The following NEK11 variants were observed in gnomAD, a reference collection of about 807,000 sequenced individuals.
NEK11 encodes the protein serine/threonine-protein kinase Nek11.
Under a neutral mutation model 80.7 loss-of-function variants are expected in NEK11, and 72 were observed. The observed-to-expected ratio is 0.89, with a 90% CI of 0.74 to 1.08. NEK11 has a LOEUF of 1.08. Among genes scored for constraint, NEK11 ranks in the 50% least tolerant of loss-of-function variants. The probability of loss-of-function intolerance (pLI) is 0.00; values close to 1 mark genes in which losing one functional copy is unlikely to be tolerated. For missense variants in NEK11, 764 were observed against 763.6 expected, an observed-to-expected ratio of 1.00 and a Z score of -0.01; for synonymous variants, 251 against 260.7, an observed-to-expected ratio of 0.96 and a Z score of 0.36.
intron 12 of NEK11, 54 bp downstream of exon 12, chr3:131,165,573 C>A: frequency 1.8e-6 from 2 of 1,106,968 alleles, no homozygotes; most frequent in South Asian, 1.4e-5. Context: ...GCTTTAGATT[C>A]ATGGCGATGA....
At chr3:131,107,637 C>G (rs1479855772) in intron 4 of NEK11, among the ~76,000 whole-genome samples, 1 of 152,072 alleles carries the variant, frequency 6.6e-6, no homozygotes, top group Non-Finnish European at 1.5e-5. Context: ...TTCATATATA[C>G]AAAAGCCCTT....
At chr3:131,295,052 T>G (rs1052162237) in intron 17 of NEK11, among the ~76,000 whole-genome samples, 1 of 152,178 alleles carries the variant, frequency 6.6e-6, no homozygotes, top group Admixed American at 6.5e-5. Context: ...TGTCTTTTAA[T>G]TGGTACATTT....
chr3:131,237,372 C>T (rs1385137545), intron 15 of NEK11, among the ~76,000 whole-genome samples: 1 of 152,110 alleles, frequency 6.6e-6, no homozygotes, highest in East Asian at 1.9e-4. Context: ...AGATGAGTTA[C>T]TTTTTGGGTC....
intron 3 of NEK11, among the ~76,000 whole-genome samples, chr3:131,033,370 T>C (rs113253175): frequency 0.016 from 2,412 of 152,288 alleles, 33 homozygotes; most frequent in Non-Finnish European, 0.026. Flanking sequence ...TACAGACTTC[T>C]ATAATGGTAT....
chr3:131,255,130 G>GAA (rs1561223084), intron 16 of NEK11, among the ~76,000 whole-genome samples: 296 of 125,944 alleles, frequency 2.4e-3, no homozygotes, highest in East Asian at 6.2e-3. Flanking sequence ...GAAAGAAAGA[G>GAA]AGAAAGAACA....
chr3:131,227,253 T>TAAA (rs1484744520), intron 14 of NEK11, among the ~76,000 whole-genome samples: 1 of 152,186 alleles, frequency 6.6e-6, no homozygotes, highest in Non-Finnish European at 1.5e-5. Context: ...TAACATCTTC[T>TAAA]ATTTCCAGGG....
At chr3:131,312,634 CCTCATAATTGTACCTTCTACAT>C (rs1448932416) in intron 17 of NEK11, among the ~76,000 whole-genome samples, 1 of 152,030 alleles carries the variant, frequency 6.6e-6, no homozygotes, top group Non-Finnish European at 1.5e-5. Context: ...GTCAACTCAG[CCTCATAATTGTACCTTCTACAT>C]CTGTAACAAA....
At chr3:131,031,127 G>A (rs1560093272) in intron 3 of NEK11, among the ~76,000 whole-genome samples, 2 of 152,204 alleles carry the variant, frequency 1.3e-5, no homozygotes, top group African/African-American at 4.8e-5. Flanking sequence ...GAATTGTAAA[G>A]GTAAATGTTA....
At position 131,349,541 on chromosome 3, in the gene NEK11, G is replaced by GT; in HGVS notation, c.1719-15dup. On this transcript the variant is annotated splice_polypyrimidine_tract_variant and intron_variant, in intron 17 of 17. Transcript: ENST00000383366. ...AATGTGTAACTCTTTGTAATCTTTT[G>GT]TAACTTTTTTGACAGATCAGCCATG... 3 of 1,602,432 alleles carry GT rather than the reference G, an allele frequency of 1.9e-6. No individual in the cohort carries two copies. Among genetic ancestry groups the GT allele is most frequent in the Non-Finnish European group, 1.7e-6 (2 of 1,171,420 alleles).
chr3:131,341,676 T>A (rs2097288893), intron 17 of NEK11, among the ~76,000 whole-genome samples: 1 of 152,244 alleles, frequency 6.6e-6, no homozygotes. Context: ...GATTCTGTTT[T>A]ATTAGATGCA....
At chr3:131,198,613 C>T (rs1253851367) in intron 14 of NEK11, among the ~76,000 whole-genome samples, 1 of 152,160 alleles carries the variant, frequency 6.6e-6, no homozygotes, top group African/African-American at 2.4e-5. Context: ...ACAATGTGGC[C>T]AACTCTTTGC....
At chr3:131,327,646 T>G (rs2096990589) in intron 17 of NEK11, 1 of 151,718 alleles carries the variant, frequency 6.6e-6, no homozygotes, top group Non-Finnish European at 1.5e-5. Context: ...TTTATACTCT[T>G]GCCGCCTCTC....
chr3:131,106,286 C>CTTTTTTTTT (rs11305818), intron 4 of NEK11, among the ~76,000 whole-genome samples: 1 of 140,094 alleles, frequency 7.1e-6, no homozygotes, highest in Non-Finnish European at 1.6e-5. Flanking sequence ...CCTGTTAGGG[C>CTTTTTTTTT]TTTTTTTTTT....
intron 11 of NEK11, 49 bp from the exon 12 acceptor site, chr3:131,165,377 G>C (rs767402473): frequency 1.7e-6 from 2 of 1,153,148 alleles, no homozygotes; most frequent in Admixed American, 1.7e-5. Context: ...ATATAGACAT[G>C]GTTTTAGCAA....
intron 17 of NEK11, among the ~76,000 whole-genome samples, chr3:131,337,700 C>A (rs995729619): frequency 2.6e-4 from 39 of 151,990 alleles, no homozygotes; most frequent in African/African-American, 9.4e-4. Context: ...TTAATGTCTT[C>A]ATTTATAAAG....
chr3:131,217,082 A>G (rs1215021653), intron 14 of NEK11, among the ~76,000 whole-genome samples: 1 of 152,216 alleles, frequency 6.6e-6, no homozygotes, highest in East Asian at 1.9e-4. Flanking sequence ...ACCGGGAACT[A>G]GGACACCGTG....
At chr3:131,176,913 A>T (rs1400493649) in intron 14 of NEK11, among the ~76,000 whole-genome samples, 1 of 152,220 alleles carries the variant, frequency 6.6e-6, no homozygotes, top group South Asian at 2.1e-4. Context: ...GGCAGAGGGC[A>T]TCCTTAAGTG....
intron 15 of NEK11, among the ~76,000 whole-genome samples, chr3:131,234,705 A>G (rs906341097): frequency 1.1e-4 from 17 of 151,202 alleles, no homozygotes; most frequent in African/African-American, 3.4e-4. Context: ...AGATCAAAGC[A>G]TAGCTCATTG....
In NEK11 at chr3:131,229,692, C is replaced by T. The variant is rs368598524; in HGVS notation, c.1560+1004C>T. Among the ~76,000 whole-genome samples, 564 of 151,872 alleles carry T rather than the reference C, an allele frequency of 3.7e-3. 1 individual carries two copies. The highest frequency in any genetic ancestry group is 6.1e-3 in the Non-Finnish European group (412 of 67,956). On this transcript the variant is annotated intron_variant, in intron 15 of 17. Transcript: ENST00000383366. ...TGTCATAATATTCAATAAATAAAAGCAGTAAGAAGTGCTCTCCAATTTGAT... is the reference window on the plus strand; with the variant it reads ...TGTCATAATATTCAATAAATAAAAGTAGTAAGAAGTGCTCTCCAATTTGAT...
Sources: gnomAD v4.1 joint callset for allele counts (sites outside exome capture counted in the v4.1 genomes callset) on GRCh38, gnomAD v4.1.1 for gene constraint, MANE v1.5 for transcripts, NCBI Gene and HGNC (gene_info 2026-07-23, HGNC 2026-07-21) for gene names.